ZNF469: variants seen among roughly 807,000 people sequenced by gnomAD.
ZNF469 encodes zinc finger protein 469.
ZNF469 carries 1 observed loss-of-function variant against 1.0 expected under a neutral mutation model. The ratio of observed to expected loss-of-function variants is 1.00; its 90% CI spans 0.35 to 4.73. The LOEUF is 4.73. ZNF469 is among the 30% of genes most tolerant of loss of function. ZNF469 has a pLI of 0.16. For missense variants in ZNF469, 6,100 were observed against 5,356.3 expected, an observed-to-expected ratio of 1.14 and a Z score of -4.33; for synonymous variants, 2,703 against 2,363.4, an observed-to-expected ratio of 1.14 and a Z score of -4.17.
the ZNF469 span, among the ~76,000 whole-genome samples, chr16:88,206,039 C>T: frequency 3.3e-5 from 5 of 152,158 alleles, no homozygotes; most frequent in African/African-American, 9.7e-5. Flanking sequence ...AGGCCTGCAG[C>T]CCCCAGGGAG....
upstream of ZNF469, among the ~76,000 whole-genome samples, chr16:88,380,160 C>T (rs1237406359): frequency 6.7e-6 from 1 of 150,104 alleles, no homozygotes; most frequent in Non-Finnish European, 1.5e-5. Context: ...CAAATGCACT[C>T]ACAGACATGC....
chr16:88,428,947 C>G lies in ZNF469; in HGVS notation c.1477C>G (p.Pro493Ala), dbSNP rs2142299586. ...PWPQVLPTAR[P>A]SPHGMEMLSR... Reference sequence around the variant, plus strand: ...GCCCCAAGTGCTCCCGACCGCCCGGCCAAGTCCCCACGGAATGGAGATGCT... The same window carrying G: ...GCCCCAAGTGCTCCCGACCGCCCGGGCAAGTCCCCACGGAATGGAGATGCT... The change falls in exon 3 of 3, where the codon CCA becomes GCA. Residue 493 changes from proline to alanine, a missense_variant. Transcript: ENST00000565624. 3 of 1,547,462 alleles carry G rather than the reference C, an allele frequency of 1.9e-6. No homozygotes were observed. Among genetic ancestry groups the G allele is most frequent in the Non-Finnish European group, 2.6e-6 (3 of 1,146,064 alleles).
chr16:88,108,662 G>A, the ZNF469 span, among the ~76,000 whole-genome samples: 1 of 152,314 alleles, frequency 6.6e-6, no homozygotes, highest in East Asian at 1.9e-4. Flanking sequence ...TGGTGGTGAC[G>A]CTGTAGGGTG....
At chr16:88,359,746 C>G in the ZNF469 span, among the ~76,000 whole-genome samples, 2 of 152,330 alleles carry the variant, frequency 1.3e-5, no homozygotes, top group Admixed American at 1.3e-4. Context: ...ATTATTTCTT[C>G]TTTCTTCCCC....
In ZNF469 at chr16:88,433,373, C is replaced by A. The variant is rs760679863; in HGVS notation, c.5903C>A (p.Pro1968His). The change falls in exon 3 of 3, where the codon CCT becomes CAT. Residue 1968 changes from proline to histidine, a missense_variant. Physicochemically the swap from Pro to His is moderately conservative, Grantham distance 77. Coordinates refer to ENST00000565624, the MANE Select transcript of ZNF469 (RefSeq NM_001367624.2). The stretch of plus-strand genomic sequence containing the variant: ...GGGGGTGTGCAGGTGACAACTCTCC[C>A]TGCAGTGGCCGGACATCAGCTGGGG... The part of the protein sequence containing the change: ...SPGGVQVTTL[P>H]AVAGHQLGLE... 7 of 1,550,236 alleles carry A rather than the reference C, an allele frequency of 4.5e-6. No homozygotes were observed. In the South Asian group the frequency reaches 8.3e-5, roughly 18 times the overall value.
chr16:88,430,371 G>A lies in ZNF469; in HGVS notation c.2901G>A (p.Ser967=), dbSNP rs897179627. The change falls in exon 3 of 3, where the codon TCG becomes TCA. Residue 967 remains serine (S), a synonymous_variant. Transcript: ENST00000565624. ...ACTCGGGCGGCGCAGCAGAGGGGTC[G>A]GGGTCGGGCGGCGGCGGCAGAGCCT... ...DLDSGGAAEG[S]GSGGGGRASG... 9 of 1,515,774 alleles carry A rather than the reference G, an allele frequency of 5.9e-6. No individual in the cohort carries two copies. In the East Asian group the frequency reaches 9.9e-5, roughly 17 times the overall value. 93.9% of individuals were successfully genotyped at this position (1,515,774 alleles called of 1,614,324 possible).
the ZNF469 span, among the ~76,000 whole-genome samples, chr16:88,211,057 C>A: frequency 6.6e-6 from 1 of 152,368 alleles, no homozygotes; most frequent in African/African-American, 2.4e-5. Context: ...TCTCATTTGT[C>A]AGTCTACTTG....
the ZNF469 span, among the ~76,000 whole-genome samples, chr16:88,223,654 T>C: frequency 6.6e-6 from 1 of 152,168 alleles, no homozygotes; most frequent in Non-Finnish European, 1.5e-5. Context: ...GCCTGGTGCG[T>C]GGGGCGTCCC....
At chr16:88,101,771 G>T in the ZNF469 span, among the ~76,000 whole-genome samples, 1 of 152,136 alleles carries the variant, frequency 6.6e-6, no homozygotes, top group Non-Finnish European at 1.5e-5. Flanking sequence ...CTTCGGTGAG[G>T]TGTCTGTTTC....
At chr16:88,104,771 C>T in the ZNF469 span, among the ~76,000 whole-genome samples, 11 of 152,354 alleles carry the variant, frequency 7.2e-5, no homozygotes, top group Middle Eastern at 3.4e-3. Flanking sequence ...TTCTGCCTGT[C>T]CCCACAGCCT....
At chr16:88,180,462 C>T in the ZNF469 span, among the ~76,000 whole-genome samples, 2 of 152,128 alleles carry the variant, frequency 1.3e-5, no homozygotes, top group Non-Finnish European at 2.9e-5. Flanking sequence ...TGAATAGATA[C>T]ATTATATGAT....
chr16:88,426,480 C>T (rs1304677971), intron 2 of ZNF469, among the ~76,000 whole-genome samples: 2 of 152,254 alleles, frequency 1.3e-5, no homozygotes, highest in East Asian at 1.9e-4. Context: ...GACATGAGAA[C>T]AGACATGATG....
At chr16:88,187,609 A>C in the ZNF469 span, among the ~76,000 whole-genome samples, 1 of 151,602 alleles carries the variant, frequency 6.6e-6, no homozygotes, top group Non-Finnish European at 1.5e-5. Context: ...ATTTTTTTTG[A>C]CTTGAAGAAA....
chr16:88,366,669 C>T, the ZNF469 span, among the ~76,000 whole-genome samples: 3 of 149,840 alleles, frequency 2.0e-5, no homozygotes, highest in Admixed American at 6.7e-5. Flanking sequence ...CCATCATTAT[C>T]GTCACTATCA....
chr16:88,131,338 G>T, the ZNF469 span, among the ~76,000 whole-genome samples: 46 of 148,382 alleles, frequency 3.1e-4, no homozygotes, highest in Non-Finnish European at 2.4e-4. Flanking sequence ...AAGCCCTTGT[G>T]ACACCTGTCT....
chr16:88,267,847 A>T, the ZNF469 span, among the ~76,000 whole-genome samples: 2 of 152,296 alleles, frequency 1.3e-5, no homozygotes, highest in African/African-American at 4.8e-5. Flanking sequence ...CTTCACTCAC[A>T]TAGATTCCTT....
chr16:88,417,229 T>G (rs1439920255), intron 1 of ZNF469, among the ~76,000 whole-genome samples: 2 of 149,958 alleles, frequency 1.3e-5, no homozygotes, highest in African/African-American at 4.9e-5. Context: ...TCCGCCACTG[T>G]GTGGCCTGGG....
chr16:88,253,686 A>C, the ZNF469 span, among the ~76,000 whole-genome samples: 2 of 151,608 alleles, frequency 1.3e-5, no homozygotes, highest in Non-Finnish European at 2.9e-5. Context: ...CACAGGCGCC[A>C]GCCACCATGC....
At chr16:88,345,910 C>G in the ZNF469 span, among the ~76,000 whole-genome samples, 1 of 152,162 alleles carries the variant, frequency 6.6e-6, no homozygotes, top group Non-Finnish European at 1.5e-5. Context: ...AGACCTGCTC[C>G]CTCGTCGAAT....
Sources: gnomAD v4.1 joint callset for allele counts (sites outside exome capture counted in the v4.1 genomes callset) on GRCh38, gnomAD v4.1.1 for gene constraint, MANE v1.5 for transcripts, NCBI Gene and HGNC (gene_info 2026-07-23, HGNC 2026-07-21) for gene names.